RASAL1: variants seen among roughly 807,000 people sequenced by gnomAD.
The protein encoded by RASAL1 is rasGAP-activating-like protein 1.
In RASAL1, 72 loss-of-function variants were observed where a neutral mutation model predicts 96.6. That is an observed-to-expected ratio of 0.75 (90% CI 0.62 to 0.91). The LOEUF (loss-of-function observed/expected upper bound fraction) is 0.91. Ranked by LOEUF, RASAL1 falls within the 40% of genes least tolerant of loss-of-function variation. The probability of loss-of-function intolerance (pLI) is 0.00; values close to 1 mark genes in which losing one functional copy is unlikely to be tolerated. For missense variants in RASAL1, 1,016 were observed against 1,072.5 expected (o/e 0.95, Z 0.74); for synonymous variants, 405 against 430.4 (o/e 0.94, Z 0.73).
chr12:113,123,411 T>C (rs911294373), intron 4 of RASAL1, among the ~76,000 whole-genome samples: 1 of 152,200 alleles, frequency 6.6e-6, no homozygotes, highest in African/African-American at 2.4e-5. Context: ...CTGGGACCCC[T>C]TGAGGGTCTC....
At chr12:113,111,937 C>A in intron 13 of RASAL1, 149 bp downstream of exon 13, 4 of 674,520 alleles carry the variant, frequency 5.9e-6, no homozygotes, top group Non-Finnish European at 6.3e-6. Context: ...GACCCGGACC[C>A]TGCCAGGAAC....
intron 2 of RASAL1, among the ~76,000 whole-genome samples, chr12:113,128,490 A>C (rs2136247037): frequency 7.2e-6 from 1 of 138,708 alleles, no homozygotes; most frequent in East Asian, 2.2e-4. Flanking sequence ...CAGAGATCTC[A>C]ACACACACAC....
At chr12:113,104,564 C>T (rs1239787011) in intron 16 of RASAL1, among the ~76,000 whole-genome samples, 5 of 152,158 alleles carry the variant, frequency 3.3e-5, no homozygotes, top group Non-Finnish European at 5.9e-5. Context: ...TGCAGTTGCA[C>T]GAGCTGGCCT....
chr12:113,109,328 C>T (rs1354634529), intron 13 of RASAL1, among the ~76,000 whole-genome samples: 1 of 152,088 alleles, frequency 6.6e-6, no homozygotes, highest in African/African-American at 2.4e-5. Flanking sequence ...TGCTATTATC[C>T]CATTTTTTCA....
At position 113,135,742 on chromosome 12, in the gene RASAL1, T is replaced by C. The variant is rs1592978187; in HGVS notation, c.-280A>G. 3 of 166,990 alleles carry C rather than the reference T, an allele frequency of 1.8e-5. No homozygotes were observed. The highest frequency in any genetic ancestry group is 3.6e-5 in the Non-Finnish European group (3 of 83,918). The allele number at this position is 166,990 out of a possible 1,614,324, so 10.3% of individuals were successfully genotyped here. On this transcript the variant is annotated 5_prime_UTR_variant, in exon 1 of 21. Coordinates refer to ENST00000548055, the MANE Select transcript of RASAL1 (RefSeq NM_001301202.2). The surrounding 1 kb of genome is among the most constrained non-coding windows in gnomAD (Gnocchi z 5.7). ...GGGCTCTTGCCGAGGCGTCTGGAGCTCCAGACAAGCAGGCTGGGCGGGCAG... is the reference window on the plus strand; with the variant it reads ...GGGCTCTTGCCGAGGCGTCTGGAGCCCCAGACAAGCAGGCTGGGCGGGCAG...
chr12:113,116,191 G>A (rs1951077093), intron 8 of RASAL1, 140 bp from the exon 9 acceptor site: 2 of 588,064 alleles, frequency 3.4e-6, no homozygotes, highest in African/African-American at 1.9e-5. Context: ...CCAACATGGT[G>A]AAGCCCCATC....
chr12:113,119,086 C>T, intron 7 of RASAL1, 42 bp downstream of exon 7: 1 of 1,543,244 alleles, frequency 6.5e-7, no homozygotes, highest in Non-Finnish European at 8.8e-7. Context: ...CCCTTGGAGG[C>T]ACTGGGGAGC....
At chr12:113,120,967 T>C (rs1159179960) in intron 5 of RASAL1, among the ~76,000 whole-genome samples, 2 of 151,904 alleles carry the variant, frequency 1.3e-5, no homozygotes, top group South Asian at 2.1e-4. Flanking sequence ...AGGACATTGG[T>C]TGGAAATGGT....
At chr12:113,114,750 G>C in intron 12 of RASAL1, 50 bp downstream of exon 12, 1 of 1,509,598 alleles carries the variant, frequency 6.6e-7, no homozygotes, top group African/African-American at 1.4e-5. Context: ...CAAGGCTCCG[G>C]GTAGCCAAAG....
At chr12:113,107,492 T>C (rs1315330122) in intron 14 of RASAL1, 2 of 590,164 alleles carry the variant, frequency 3.4e-6, no homozygotes, top group African/African-American at 1.8e-5. Flanking sequence ...TCGTGGTGGC[T>C]CACGCCTGTA....
At chr12:113,120,871 T>C (rs1951270842) in intron 5 of RASAL1, among the ~76,000 whole-genome samples, 1 of 152,202 alleles carries the variant, frequency 6.6e-6, no homozygotes, top group Non-Finnish European at 1.5e-5. Flanking sequence ...AGTAATGGGC[T>C]TGTGACTCAG....
chr12:113,109,905 G>T (rs1314523229), intron 13 of RASAL1, among the ~76,000 whole-genome samples: 1 of 152,234 alleles, frequency 6.6e-6, no homozygotes, highest in Non-Finnish European at 1.5e-5. Context: ...TGAAGGCAAA[G>T]AACCGGTGTC....
intron 14 of RASAL1, chr12:113,107,553 G>A: frequency 1.9e-6 from 1 of 516,044 alleles, no homozygotes; most frequent in Non-Finnish European, 3.7e-6. Context: ...AACCGAGGAG[G>A]CAGAGGTTGC....
chr12:113,104,399 C>T (rs2136106925), intron 16 of RASAL1, 101 bp from the exon 17 acceptor site: 1 of 1,225,654 alleles, frequency 8.2e-7, no homozygotes, highest in Non-Finnish European at 1.1e-6. Context: ...CAGTTCCCAG[C>T]GGCGGGACAT....
rs1490297381 is a variant in RASAL1, at chr12:113,128,079, A to AT, written c.221dup (p.Asp74GlufsTer2). 6.2e-7 allele frequency: 1 copy of AT among 1,613,730 alleles called. No individual in the cohort carries two copies. Among genetic ancestry groups the AT allele is most frequent in the African/African-American group, 1.3e-5 (1 of 74,874 alleles). ...CAACCACAAACCCGACAGTGTCCTC[A>AT]TCCAGCACGTAGAAGGCCAGCTGGT... is the stretch of plus-strand genomic sequence containing the variant. On this transcript the variant is annotated frameshift_variant, in exon 3 of 21. Transcript: ENST00000548055. LOFTEE classifies it high-confidence loss of function.
Position 113,135,637 on chromosome 12 carries a change from T to G in RASAL1, c.-175A>C. 1.6e-6 allele frequency: 1 copy of G among 607,574 alleles called. No individual in the cohort carries two copies. Among genetic ancestry groups the G allele is most frequent in the Non-Finnish European group, 2.9e-6 (1 of 340,824 alleles). The allele number at this position is 607,574 out of a possible 1,614,324, so 37.6% of individuals were successfully genotyped here. Reference sequence around the variant, plus strand: ...TTTCCGAAAGAGGAGAAGGTGTAGGTGCCCGGGGAGGGAGCGCCCGTCCGG... The same window carrying G: ...TTTCCGAAAGAGGAGAAGGTGTAGGGGCCCGGGGAGGGAGCGCCCGTCCGG... On this transcript the variant is annotated 5_prime_UTR_variant, in exon 1 of 21. Coordinates refer to ENST00000548055, the MANE Select transcript of RASAL1 (RefSeq NM_001301202.2). The surrounding 1 kb of genome is among the most constrained non-coding windows in gnomAD (Gnocchi z 5.7).
chr12:113,133,023 C>T (rs962399693), intron 1 of RASAL1, among the ~76,000 whole-genome samples: 15 of 152,192 alleles, frequency 9.9e-5, no homozygotes, highest in Non-Finnish European at 1.5e-5. Flanking sequence ...TTCCTTTATG[C>T]AGGCTCCCAC....
intron 19 of RASAL1, among the ~76,000 whole-genome samples, chr12:113,100,935 T>G (rs1168719260): frequency 6.6e-6 from 1 of 152,226 alleles, no homozygotes; most frequent in African/African-American, 2.4e-5. Flanking sequence ...ATTATACAGA[T>G]GATCACTGAG....
At chr12:113,103,662 A>T in intron 18 of RASAL1, 1 of 511,868 alleles carries the variant, frequency 2.0e-6, no homozygotes, top group Non-Finnish European at 3.4e-6. Context: ...CAAGCTCATG[A>T]TGTTTGAGTA....
Sources: gnomAD v4.1 joint callset for allele counts (sites outside exome capture counted in the v4.1 genomes callset) on GRCh38, gnomAD v4.1.1 for gene constraint, Gnocchi (gnomAD v3.1) non-coding constraint, MANE v1.5 for transcripts, NCBI Gene and HGNC (gene_info 2026-07-23, HGNC 2026-07-21) for gene names.